Variants in C9orf43 observed in about 807,000 individuals in gnomAD.
C9orf43 encodes the protein chromosome 9 open reading frame 43, also known as uncharacterized protein C9orf43.
Under a neutral mutation model 59.1 loss-of-function variants are expected in C9orf43, and 45 were observed. The ratio of observed to expected loss-of-function variants is 0.76; its 90% CI spans 0.60 to 0.98. The LOEUF (loss-of-function observed/expected upper bound fraction) is 0.98, where lower values mean the gene tolerates loss of function less well. C9orf43 is among the 50% of genes least tolerant of loss of function. The probability of loss-of-function intolerance (pLI) is 0.00; values close to 1 mark genes in which losing one functional copy is unlikely to be tolerated. For synonymous variants in C9orf43, 203 were observed against 196.8 expected (o/e 1.03, Z -0.26); for missense variants, 533 against 554.9 (o/e 0.96, Z 0.40).
Position 113,421,118 on chromosome 9 carries a change from T to C in C9orf43, c.361T>C (p.Leu121=), listed in dbSNP as rs1453274342. The change falls in exon 5 of 14, where the codon TTG becomes CTG. Residue 121 remains leucine (L), a synonymous_variant. Coordinates refer to ENST00000374165, the MANE Select transcript of C9orf43 (RefSeq NM_001278629.2). ...TTTCTCTTAGTTTCCAGTGTTGAAT[T>C]TGAATGAGACGCAACTTCCCTGCCC... ...NRLPKFPVLN[L]NETQLPCPED... is the part of the protein sequence containing the mutation. 6.2e-7 allele frequency: 1 copy of C among 1,613,522 alleles called. No individual in the cohort carries two copies. Among genetic ancestry groups the C allele is most frequent in the East Asian group, 2.2e-5 (1 of 44,890 alleles).
At chr9:113,427,199 C>T (rs571456913) in intron 11 of C9orf43, among the ~76,000 whole-genome samples, 12 of 152,202 alleles carry the variant, frequency 7.9e-5, no homozygotes, top group Non-Finnish European at 1.0e-4. Context: ...GACGGAGTTT[C>T]GCTCTTGTTG....
At chr9:113,422,709 AAACCC>A in intron 6 of C9orf43, 124 bp downstream of exon 6, 13 of 1,120,160 alleles carry the variant, frequency 1.2e-5, no homozygotes, top group Non-Finnish European at 1.6e-5. Flanking sequence ...CTGCTAAAGA[AAACCC>A]TTCTTTAGGA....
Position 113,416,326 on chromosome 9 carries a change from C to G in C9orf43, c.287+2432C>G, listed in dbSNP as rs541580203. 5.9e-5 allele frequency among the ~76,000 whole-genome samples: 9 copies of G among 152,364 alleles called. No individual in the cohort carries two copies. In the South Asian group the frequency reaches 1.9e-3, roughly 32 times the overall value. On this transcript the variant is annotated intron_variant, in intron 3 of 13. Transcript: ENST00000374165. ...GAGAACAGACTCAAACCTCCCAACT[C>G]TAGACTGGTGGCCTCTCTCTTTACT...
In C9orf43 at chr9:113,426,125, C is replaced by G. The variant is rs531096737; in HGVS notation, c.1030+395C>G. 5.3e-5 allele frequency among the ~76,000 whole-genome samples: 8 copies of G among 152,252 alleles called. No individual in the cohort carries two copies. The East Asian group carries it at 1.5e-3, about 29-fold the overall frequency. The stretch of plus-strand genomic sequence containing the variant: ...GAGAGCTGGGGCCCCTCACTAGAAC[C>G]CCAAAAGAGTTCTAAGGAAGCAGAG... On this transcript the variant is annotated intron_variant, in intron 11 of 13. Coordinates refer to ENST00000374165, the MANE Select transcript of C9orf43 (RefSeq NM_001278629.2).
chr9:113,412,989 T>A (rs553314577), intron 1 of C9orf43, among the ~76,000 whole-genome samples: 2 of 152,376 alleles, frequency 1.3e-5, no homozygotes, highest in South Asian at 4.1e-4. Context: ...GACACTTCTG[T>A]GACTACTTTG....
intron 3 of C9orf43, among the ~76,000 whole-genome samples, chr9:113,417,826 G>C (rs908939244): frequency 1.1e-4 from 17 of 152,214 alleles, no homozygotes; most frequent in African/African-American, 4.1e-4. Context: ...GATGAGGCTG[G>C]GGAGCTGCAG....
chr9:113,411,390 C>T (rs1209362297), intron 1 of C9orf43, among the ~76,000 whole-genome samples: 3 of 151,876 alleles, frequency 2.0e-5, no homozygotes, highest in African/African-American at 4.8e-5. Context: ...GCTCCGCCTC[C>T]CGGGTTCACG....
chr9:113,415,842 C>T (rs1327518478), intron 3 of C9orf43, among the ~76,000 whole-genome samples: 2 of 152,280 alleles, frequency 1.3e-5, no homozygotes, highest in East Asian at 3.9e-4. Flanking sequence ...TTTCTTTTCT[C>T]CTGTTCCATT....
intron 11 of C9orf43, 126 bp downstream of exon 11, chr9:113,425,856 T>C: frequency 1.3e-6 from 1 of 757,264 alleles, no homozygotes; most frequent in South Asian, 1.6e-5. Flanking sequence ...CAGAGTTTCT[T>C]GGAATGCTTC....
At chr9:113,428,997 G>T in intron 13 of C9orf43, 34 bp downstream of exon 13, 1 of 1,575,970 alleles carries the variant, frequency 6.3e-7, no homozygotes, top group South Asian at 1.1e-5. Context: ...CTTAGTAAGT[G>T]ACTGAGGATA....
chr9:113,414,510 C>T (rs1276749103), intron 3 of C9orf43, among the ~76,000 whole-genome samples: 1 of 151,678 alleles, frequency 6.6e-6, no homozygotes, highest in Non-Finnish European at 1.5e-5. Flanking sequence ...GTCTTGAACT[C>T]CTGGCCTCAA....
intron 2 of C9orf43, 44 bp from the exon 3 acceptor site, chr9:113,413,715 C>T: frequency 6.2e-7 from 1 of 1,611,386 alleles, no homozygotes; most frequent in Non-Finnish European, 8.5e-7. Flanking sequence ...CTCCCTTTCT[C>T]CAGGCAGCAG....
chr9:113,425,229 C>A (rs1020176462), intron 9 of C9orf43, 115 bp from the exon 10 acceptor site: 15 of 1,507,848 alleles, frequency 9.9e-6, no homozygotes, highest in Non-Finnish European at 1.4e-5. Context: ...AGGAAGCAGC[C>A]CCTCTGGCTT....
intron 3 of C9orf43, among the ~76,000 whole-genome samples, chr9:113,414,439 TA>T (rs1385710806): frequency 2.6e-5 from 4 of 151,676 alleles, no homozygotes; most frequent in African/African-American, 9.7e-5. Context: ...CACGCCTGGT[TA>T]ATTTTTTTTT....
intron 11 of C9orf43, among the ~76,000 whole-genome samples, chr9:113,427,447 G>A (rs1465056837): frequency 6.6e-6 from 1 of 152,226 alleles, no homozygotes; most frequent in Non-Finnish European, 1.5e-5. Flanking sequence ...AAAATGTTGG[G>A]ATTACAGGCG....
rs528700034 is a variant in C9orf43, at chr9:113,418,394, C to G, written c.288-714C>G. Among the ~76,000 whole-genome samples, 5 of 152,282 alleles carry G rather than the reference C, an allele frequency of 3.3e-5. No individual in the cohort carries two copies. In the South Asian group the frequency reaches 1.0e-3, roughly 32 times the overall value. On this transcript the variant is annotated intron_variant, in intron 3 of 13. Coordinates refer to ENST00000374165, the MANE Select transcript of C9orf43 (RefSeq NM_001278629.2). ...TGTTGTAGTATATACTGTAGTCCCC[C>G]CTTATTTTCAGGAAATATATTCTCA...
Position 113,413,649 on chromosome 9 carries a change from A to G in C9orf43, c.151+5A>G. 6.2e-7 allele frequency: 1 copy of G among 1,614,006 alleles called. No homozygotes were observed. Among genetic ancestry groups the G allele is most frequent in the South Asian group, 1.1e-5 (1 of 91,078 alleles). On this transcript the variant is annotated splice_donor_5th_base_variant and intron_variant, in intron 2 of 13. Transcript: ENST00000374165. Reference sequence around the variant, plus strand: ...AAACTCCCCTGGATGCTGAAGGTGAATTAGCCAGCTTCTGTCCTCTCCCTC... The same window carrying G: ...AAACTCCCCTGGATGCTGAAGGTGAGTTAGCCAGCTTCTGTCCTCTCCCTC...
rs768575638 is a variant in C9orf43 at position 113,425,629 on chromosome 9, G to C, written c.943-14G>C. ...CCAAAAATCCTAATTTGTTCCTCCT[G>C]ATGTGGGTTTCAGGAGGCTAAAAAG... On this transcript the variant is annotated splice_polypyrimidine_tract_variant and intron_variant, in intron 10 of 13. Transcript: ENST00000374165. The C allele has an allele frequency of 5.6e-6, 9 of 1,612,028 alleles. No homozygotes were observed. Among genetic ancestry groups the C allele is most frequent in the Non-Finnish European group, 6.8e-6 (8 of 1,179,056 alleles).
Position 113,413,775 on chromosome 9 carries a change from C to T in C9orf43, c.168C>T (p.Leu56=), listed in dbSNP as rs1291422923. 3 of 1,613,958 alleles carry T rather than the reference C, an allele frequency of 1.9e-6. No individual in the cohort carries two copies. The highest frequency in any genetic ancestry group is 2.5e-6 in the Non-Finnish European group (3 of 1,179,986). ...PLDAEDKLPV[L]TVVDILDSGF... is the part of the protein sequence containing the mutation. ...CCTTCTTAGATAAACTCCCAGTGCT[C>T]ACCGTGGTAGACATCTTAGATTCCG... The change falls in exon 3 of 14, where the codon CTC becomes CTT. Residue 56 remains leucine, a synonymous_variant. Coordinates refer to ENST00000374165, the MANE Select transcript of C9orf43 (RefSeq NM_001278629.2).
Sources: gnomAD v4.1 joint callset for allele counts (sites outside exome capture counted in the v4.1 genomes callset) on GRCh38, gnomAD v4.1.1 for gene constraint, MANE v1.5 for transcripts, NCBI Gene and HGNC (gene_info 2026-07-23, HGNC 2026-07-21) for gene names.